ARMC2: variants seen among roughly 807,000 people sequenced by gnomAD.
ARMC2 encodes the protein armadillo repeat-containing protein 2.
In ARMC2, 67 loss-of-function variants were observed where a neutral mutation model predicts 90.3. The ratio of observed to expected loss-of-function variants is 0.74; its 90% CI spans 0.61 to 0.91. ARMC2 has a LOEUF of 0.91. Ranked by LOEUF, ARMC2 falls within the 40% of genes least tolerant of loss-of-function variation. The pLI, the probability that ARMC2 is intolerant of heterozygous loss-of-function variation, is 0.00. For missense variants in ARMC2, 920 were observed against 1,030.9 expected (o/e 0.89, Z 1.47); for synonymous variants, 393 against 393.0 (o/e 1.00, Z 0.00).
At chr6:108,975,640 A>C (rs1261276349), downstream of ARMC2, among the ~76,000 whole-genome samples, 1 of 152,116 alleles carries the variant, frequency 6.6e-6, no homozygotes, top group Non-Finnish European at 1.5e-5. Flanking sequence ...AAGCATTCCT[A>C]TTTCTCCACA....
At chr6:108,973,297 A>C in intron 17 of ARMC2, 60 bp from the exon 18 acceptor site, 1 of 1,429,020 alleles carries the variant, frequency 7.0e-7, no homozygotes, top group Admixed American at 2.2e-5. Context: ...TCAAAATTAA[A>C]CTATATTCAA....
intron 13 of ARMC2, among the ~76,000 whole-genome samples, chr6:108,955,787 C>T (rs1777536378): frequency 1.3e-5 from 2 of 152,260 alleles, no homozygotes; most frequent in African/African-American, 4.8e-5. Context: ...TCAGCATTTG[C>T]TCTGTAGCAT....
chr6:108,953,772 CT>C (rs957626142), intron 13 of ARMC2, among the ~76,000 whole-genome samples: 8 of 152,098 alleles, frequency 5.3e-5, no homozygotes, highest in Admixed American at 1.3e-4. Context: ...AAATTAATTC[CT>C]TTTTTTTCCT....
At chr6:109,000,112 T>C in the ARMC2 span, 1 of 154,766 alleles carries the variant, frequency 6.5e-6, no homozygotes, top group South Asian at 2.1e-4. Context: ...AATAAAAAGA[T>C]GAGTGGTTGC....
chr6:108,923,914 C>T (rs1774853556), intron 10 of ARMC2: 2 of 152,282 alleles, frequency 1.3e-5, no homozygotes, highest in South Asian at 4.1e-4. Context: ...TCTTTCTTCC[C>T]CCTCCTCATT....
chr6:108,918,622 GCCGC>G (rs1010080851), intron 10 of ARMC2, among the ~76,000 whole-genome samples: 1 of 152,126 alleles, frequency 6.6e-6, no homozygotes, highest in African/African-American at 2.4e-5. Context: ...CAGGCCCAGT[GCCGC>G]CACCCTGCAT....
chr6:109,005,284 C>A, the ARMC2 span, among the ~76,000 whole-genome samples: 1 of 152,032 alleles, frequency 6.6e-6, no homozygotes, highest in Non-Finnish European at 1.5e-5. Flanking sequence ...AAAAGCTCTT[C>A]AAGTTATATT....
At chr6:108,861,310 TTGTA>T (rs1444534469) in intron 3 of ARMC2, among the ~76,000 whole-genome samples, 2 of 152,250 alleles carry the variant, frequency 1.3e-5, no homozygotes, top group Non-Finnish European at 2.9e-5. Context: ...ACGCATGTGC[TTGTA>T]TGTATGTTTG....
the ARMC2 span, among the ~76,000 whole-genome samples, chr6:109,040,671 T>G: frequency 2.6e-5 from 4 of 151,940 alleles, no homozygotes; most frequent in East Asian, 5.8e-4. Flanking sequence ...TTTTTTTTTT[T>G]TGAGACAGTC....
intron 12 of ARMC2, among the ~76,000 whole-genome samples, chr6:108,952,611 C>A (rs1199616470): frequency 6.8e-6 from 1 of 147,796 alleles, no homozygotes; most frequent in Non-Finnish European, 1.5e-5. Context: ...TGCCCAAATT[C>A]AAAAACACCA....
chr6:108,943,761 GAGA>G (rs1266711273), intron 12 of ARMC2, among the ~76,000 whole-genome samples: 1 of 152,156 alleles, frequency 6.6e-6, no homozygotes, highest in East Asian at 1.9e-4. Context: ...TTGAGCCTGA[GAGA>G]AGGAGGTTGC....
In ARMC2 at chr6:108,912,671, G is replaced by A. The variant is rs1475531958; in HGVS notation, c.1350+113G>A. The A allele has an allele frequency of 4.3e-5, 40 of 924,934 alleles. 1 individual carries two copies. In the South Asian group the frequency reaches 6.5e-4, roughly 15 times the overall value. 57.3% of individuals were successfully genotyped at this position (924,934 alleles called of 1,614,324 possible). A position where few individuals can be genotyped will look rare whatever the true frequency, so the allele number is the denominator to read the frequency against. On this transcript the variant is annotated intron_variant, in intron 10 of 17. Coordinates refer to ENST00000392644, the MANE Select transcript of ARMC2 (RefSeq NM_032131.6). Reference sequence around the variant, plus strand: ...CCCCTACAGCCAGGTGTGGGTGCCTGGCCTCCAAGGGCAGCAGCCATAGCC... The same window carrying A: ...CCCCTACAGCCAGGTGTGGGTGCCTAGCCTCCAAGGGCAGCAGCCATAGCC...
chr6:109,001,606 A>G, the ARMC2 span: 2 of 881,282 alleles, frequency 2.3e-6, no homozygotes. Context: ...GGCTTAAGAA[A>G]GAGGGGTTAC....
At position 108,953,208 on chromosome 6, in the gene ARMC2, A is replaced by G. The variant is rs201861600; in HGVS notation, c.1772A>G (p.His591Arg). 6.2e-7 allele frequency: 1 copy of G among 1,614,022 alleles called. No homozygotes were observed. Among genetic ancestry groups the G allele is most frequent in the African/African-American group, 1.3e-5 (1 of 75,074 alleles). Residue 591 changes from histidine (H) to arginine (R), a missense_variant, in exon 13 of 18, where the codon CAC becomes CGC. His to Arg is a conservative substitution (Grantham distance 29). Transcript: ENST00000392644. ...CCGGTGGGCCAACGAGGCGAGCAGC[A>G]CAGGGCGCAGAGGCCGCCGTCAGAG... ...QKPVGQRGEQ[H>R]RAQRPPSEAE...
At chr6:109,034,269 G>A in the ARMC2 span, among the ~76,000 whole-genome samples, 1 of 152,074 alleles carries the variant, frequency 6.6e-6, no homozygotes, top group South Asian at 2.1e-4. Flanking sequence ...AAATTATTAG[G>A]TATTGATGTA....
At chr6:108,854,591 G>A in intron 2 of ARMC2, 106 bp downstream of exon 2, 1 of 1,179,862 alleles carries the variant, frequency 8.5e-7, no homozygotes, top group Non-Finnish European at 1.2e-6. Flanking sequence ...TTATTTTTTA[G>A]AACAGTTTTA....
At chr6:108,980,948 T>C in the ARMC2 span, among the ~76,000 whole-genome samples, 1 of 152,176 alleles carries the variant, frequency 6.6e-6, no homozygotes, top group Non-Finnish European at 1.5e-5. Context: ...TTTCTGAGAA[T>C]GGTTCTAGTC....
At chr6:108,866,661 A>G (rs1490407183) in intron 3 of ARMC2, among the ~76,000 whole-genome samples, 2 of 152,210 alleles carry the variant, frequency 1.3e-5, no homozygotes, top group East Asian at 3.8e-4. Flanking sequence ...AGAGAAGTAA[A>G]TGGCCTGCAC....
chr6:109,038,909 GGAA>G, the ARMC2 span, among the ~76,000 whole-genome samples: 1 of 143,166 alleles, frequency 7.0e-6, no homozygotes, highest in Non-Finnish European at 1.5e-5. Context: ...GGAGAAAAAA[GGAA>G]GGAGGAGGAG....
Sources: gnomAD v4.1 joint callset for allele counts (sites outside exome capture counted in the v4.1 genomes callset) on GRCh38, gnomAD v4.1.1 for gene constraint, MANE v1.5 for transcripts, NCBI Gene and HGNC (gene_info 2026-07-23, HGNC 2026-07-21) for gene names.